ANKRD13B: variants seen among roughly 807,000 people sequenced by gnomAD.
The protein encoded by ANKRD13B is ankyrin repeat domain 13B.
Under a neutral mutation model 74.4 loss-of-function variants are expected in ANKRD13B, and 33 were observed. That is an observed-to-expected ratio of 0.44 (90% CI 0.34 to 0.59). The LOEUF is 0.59. Ranked by LOEUF, ANKRD13B falls within the 20% of genes least tolerant of loss-of-function variation. ANKRD13B has a pLI of 0.02. For missense variants in ANKRD13B, 676 were observed against 877.9 expected (o/e 0.77, Z 2.91); for synonymous variants, 341 against 362.9 (o/e 0.94, Z 0.68).
chr17:29,603,139 G>A (rs146568401), intron 1 of ANKRD13B, among the ~76,000 whole-genome samples: 118 of 152,030 alleles, frequency 7.8e-4, no homozygotes, highest in African/African-American at 1.7e-3. Context: ...GTGAGCCACC[G>A]CACCCGGCCT....
intron 1 of ANKRD13B, among the ~76,000 whole-genome samples, chr17:29,596,638 C>T (rs1049791391): frequency 6.6e-6 from 1 of 152,188 alleles, no homozygotes; most frequent in African/African-American, 2.4e-5. Flanking sequence ...AATCATTTTC[C>T]TTCTCCCTGG....
chr17:29,609,965 G>A lies in ANKRD13B; in HGVS notation c.822+544G>A, dbSNP rs2034521730. Among the ~76,000 whole-genome samples, 1 of 152,082 alleles carries A rather than the reference G, an allele frequency of 6.6e-6. No homozygotes were observed. The highest frequency in any genetic ancestry group is 2.1e-4 in the South Asian group (1 of 4,818). On this transcript the variant is annotated intron_variant, in intron 7 of 14. Transcript: ENST00000394859. The surrounding 1 kb of genome is among the most constrained non-coding windows in gnomAD (Gnocchi z 4.0). ...TCCCAGCGCTTTGGGAGGCCGAGGT[G>A]AGCGGATCACCTGAGGTCAGTTCGA...
intron 14 of ANKRD13B, 130 bp downstream of exon 14, chr17:29,613,093 C>T: frequency 7.7e-7 from 1 of 1,306,446 alleles, no homozygotes; most frequent in East Asian, 2.5e-5. Flanking sequence ...TCTGCCACCA[C>T]TCCTGCCTCC....
At chr17:29,599,869 T>TG (rs1158583496) in intron 1 of ANKRD13B, among the ~76,000 whole-genome samples, 13 of 110,110 alleles carry the variant, frequency 1.2e-4, no homozygotes, top group Admixed American at 3.4e-4. Flanking sequence ...TAATTTGTTT[T>TG]TTTTTTTTTT....
chr17:29,602,004 G>A (rs547462969), intron 1 of ANKRD13B, among the ~76,000 whole-genome samples: 2 of 152,214 alleles, frequency 1.3e-5, no homozygotes, highest in South Asian at 4.1e-4. Flanking sequence ...AGTTTACTTC[G>A]TGTTTGTCTT....
At chr17:29,604,113 A>G (rs184957348) in intron 1 of ANKRD13B, among the ~76,000 whole-genome samples, 209 of 152,224 alleles carry the variant, frequency 1.4e-3, no homozygotes, top group African/African-American at 3.7e-3. Context: ...CATTGTAAAT[A>G]TGATGTTAAG....
In ANKRD13B at chr17:29,612,408, C is replaced by A; in HGVS notation, c.1265C>A (p.Pro422Gln). 1 of 1,612,544 alleles carries A rather than the reference C, an allele frequency of 6.2e-7. No homozygotes were observed. Among genetic ancestry groups the A allele is most frequent in the Non-Finnish European group, 8.5e-7 (1 of 1,179,378 alleles). The change falls in exon 12 of 15, where the codon CCG becomes CAG. Residue 422 changes from proline (P) to glutamine (Q), a missense_variant. Transcript: ENST00000394859. The surrounding 1 kb of genome is among the most constrained non-coding windows in gnomAD (Gnocchi z 6.1). ...AAGGTTTCCTCATCCTCAGAAATCC[C>A]GATCTTCCACATCCTCAACGCCCGC... Reference protein sequence around the residue: ...PPGFPVKIEIPIFHILNARIT... With the variant: ...PPGFPVKIEIQIFHILNARIT...
Position 29,612,322 on chromosome 17 carries a change from G to T in ANKRD13B, c.1258+49G>T. The T allele has an allele frequency of 1.2e-6, 2 of 1,612,346 alleles. No individual in the cohort carries two copies. Among genetic ancestry groups the T allele is most frequent in the South Asian group, 1.1e-5 (1 of 91,032 alleles). On this transcript the variant is annotated intron_variant, in intron 11 of 14. Coordinates refer to ENST00000394859, the MANE Select transcript of ANKRD13B (RefSeq NM_152345.5). This position sits in a 1 kb window ranked among gnomAD's most constrained non-coding sequence, Gnocchi z 6.1. ...CTGAGCCCGTGGCGGGCCGACCGGG[G>T]TTTAGATGAGGTCGGGGTGGGGCTG...
Position 29,614,235 on chromosome 17 carries a change from A to AT in ANKRD13B, c.*672dup, listed in dbSNP as rs556384866. 13,891 of 127,692 alleles carry AT rather than the reference A, an allele frequency of 0.11. 1,118 individuals are homozygous for AT. Among genetic ancestry groups the AT allele is most frequent in the African/African-American group, 0.22 (7,561 of 33,912 alleles). The allele number at this position is 127,692 out of a possible 1,614,324, so 7.9% of individuals were successfully genotyped here. On this transcript the variant is annotated 3_prime_UTR_variant, in exon 15 of 15. Transcript: ENST00000394859. ...GTTGGAGTCCCATCCCCCAAGGCAC[A>AT]TTTTTTTTTTTTTTTTTTTGTGATC... is the stretch of plus-strand genomic sequence containing the variant.
chr17:29,607,592 T>C, intron 1 of ANKRD13B, 150 bp from the exon 2 acceptor site: 1 of 1,070,976 alleles, frequency 9.3e-7, no homozygotes, highest in South Asian at 1.6e-5. Context: ...TTGCCCATAG[T>C]GTCTGTCTTT....
rs758262349 is a variant in ANKRD13B at position 29,612,035 on chromosome 17, G to T, written c.1100+29G>T. The T allele has an allele frequency of 5.6e-6, 9 of 1,608,096 alleles. No homozygotes were observed. In the East Asian group the frequency reaches 6.7e-5, roughly 12 times the overall value. ...AGGCCCCTGCCGGTGCTGGGAAGGT[G>T]GGGGGCCGGGGCTCCAGGAGATGCT... On this transcript the variant is annotated intron_variant, in intron 10 of 14. Transcript: ENST00000394859. The surrounding 1 kb of genome is among the most constrained non-coding windows in gnomAD (Gnocchi z 6.1).
chr17:29,607,456 A>AG (rs1388075696), intron 1 of ANKRD13B, among the ~76,000 whole-genome samples: 1 of 152,212 alleles, frequency 6.6e-6, no homozygotes, highest in Non-Finnish European at 1.5e-5. Context: ...GGACCCAGCC[A>AG]GGGGCCCTTG....
At chr17:29,593,787 C>T in intron 1 of ANKRD13B, 52 bp downstream of exon 1, 1 of 1,169,874 alleles carries the variant, frequency 8.5e-7, no homozygotes, top group Non-Finnish European at 1.1e-6. Context: ...GCACGCCCGT[C>T]CGGCCTGGGG....
chr17:29,608,558 G>A lies in ANKRD13B; in HGVS notation c.422-293G>A. The A allele has an allele frequency of 1.7e-6, 1 of 573,898 alleles. No homozygotes were observed. The allele number at this position is 573,898 out of a possible 1,614,324, so 35.6% of individuals were successfully genotyped here. On this transcript the variant is annotated intron_variant, in intron 4 of 14. Transcript: ENST00000394859. This position sits in a 1 kb window ranked among gnomAD's most constrained non-coding sequence, Gnocchi z 6.4. Reference sequence around the variant, plus strand: ...CCAGTGGCTGGAACACTCAGTAGGTGTTTCATAAATATTTGTTGAAAGAAT... The same window carrying A: ...CCAGTGGCTGGAACACTCAGTAGGTATTTCATAAATATTTGTTGAAAGAAT...
Position 29,608,813 on chromosome 17 carries a change from G to T in ANKRD13B, c.422-38G>T, listed in dbSNP as rs1406191824. 1.2e-6 allele frequency: 2 copies of T among 1,613,256 alleles called. No homozygotes were observed. Among genetic ancestry groups the T allele is most frequent in the Non-Finnish European group, 1.7e-6 (2 of 1,179,656 alleles). On this transcript the variant is annotated intron_variant, in intron 4 of 14. Coordinates refer to ENST00000394859, the MANE Select transcript of ANKRD13B (RefSeq NM_152345.5). This position sits in a 1 kb window ranked among gnomAD's most constrained non-coding sequence, Gnocchi z 6.4. Reference sequence around the variant, plus strand: ...GAGCTGGTCCAGGCCGTGTAGGCCAGACCAGTCAAAGCCACCTCCAACCTC... The same window carrying T: ...GAGCTGGTCCAGGCCGTGTAGGCCATACCAGTCAAAGCCACCTCCAACCTC...
At position 29,612,393 on chromosome 17, in the gene ANKRD13B, C is replaced by T. The variant is rs1686050624; in HGVS notation, c.1259-9C>T. 2 of 1,612,760 alleles carry T rather than the reference C, an allele frequency of 1.2e-6. No homozygotes were observed. Among genetic ancestry groups the T allele is most frequent in the African/African-American group, 1.3e-5 (1 of 74,892 alleles). On this transcript the variant is annotated splice_polypyrimidine_tract_variant and intron_variant, in intron 11 of 14. Coordinates refer to ENST00000394859, the MANE Select transcript of ANKRD13B (RefSeq NM_152345.5). The surrounding 1 kb of genome is among the most constrained non-coding windows in gnomAD (Gnocchi z 6.1). ...GAGTGGTGGCGCCTAAAGGTTTCCT[C>T]ATCCTCAGAAATCCCGATCTTCCAC...
rs745329282 is a variant in ANKRD13B at position 29,611,589 on chromosome 17, A to T, written c.915A>T (p.Thr305=). 3 of 1,614,114 alleles carry T rather than the reference A, an allele frequency of 1.9e-6. No individual in the cohort carries two copies. The South Asian group carries it at 3.3e-5, about 18-fold the overall frequency. Residue 305 remains threonine (T), a synonymous_variant, in exon 9 of 15, where the codon ACA becomes ACT. Coordinates refer to ENST00000394859, the MANE Select transcript of ANKRD13B (RefSeq NM_152345.5). The surrounding 1 kb of genome is among the most constrained non-coding windows in gnomAD (Gnocchi z 4.3). ...CCACATTTCTTGTAGGCTGTAAGAC[A>T]CCTTTGCAGTCCTTCCTGGGAATCG... is the stretch of plus-strand genomic sequence containing the variant. ...QHKGKVKGCK[T]PLQSFLGIAE...
rs778298359 is a variant in ANKRD13B, at chr17:29,612,553, G to A, written c.1410G>A (p.Thr470=). The A allele has an allele frequency of 5.8e-6, 9 of 1,552,848 alleles. No individual in the cohort carries two copies. The highest frequency in any genetic ancestry group is 2.4e-5 in the South Asian group (2 of 84,602). The change falls in exon 12 of 15, where the codon ACG becomes ACA. Residue 470 remains threonine (T), a splice_region_variant and synonymous_variant. Coordinates refer to ENST00000394859, the MANE Select transcript of ANKRD13B (RefSeq NM_152345.5). The surrounding 1 kb of genome is among the most constrained non-coding windows in gnomAD (Gnocchi z 6.1). Reference sequence around the variant, plus strand: ...CCAGCGTCAGCAGCTCCAGCTCCACGAGTGAGGCCCCCCGCGAGAACGCCT... The same window carrying A: ...CCAGCGTCAGCAGCTCCAGCTCCACAAGTGAGGCCCCCCGCGAGAACGCCT... The part of the protein sequence containing the change: ...DSSSVSSSSS[T]TSCRGCEISP...
intron 1 of ANKRD13B, among the ~76,000 whole-genome samples, chr17:29,596,024 AG>A (rs1232128527): frequency 6.6e-6 from 1 of 152,104 alleles, no homozygotes; most frequent in Admixed American, 6.5e-5. Flanking sequence ...CATCCCAGCC[AG>A]GGGTCCCTGG....
Sources: allele counts gnomAD v4.1 joint callset (sites outside exome capture counted in the v4.1 genomes callset), GRCh38; gene constraint gnomAD v4.1.1; non-coding constraint Gnocchi (gnomAD v3.1); transcripts MANE v1.5; gene names NCBI Gene and HGNC (gene_info 2026-07-23, HGNC 2026-07-21).